NCOR1: variants seen among roughly 807,000 people sequenced by gnomAD.
The protein encoded by NCOR1 is protein phosphatase 1, regulatory subunit 109.
A neutral mutation model predicts 288.1 loss-of-function variants in NCOR1; 63 were observed. The observed-to-expected ratio is 0.22, with a 90% CI of 0.18 to 0.27. The LOEUF is 0.27. NCOR1 is among the 10% of genes least tolerant of loss of function. NCOR1 has a pLI of 1.00. For missense variants in NCOR1, 2,397 were observed against 3,019.2 expected, an observed-to-expected ratio of 0.79 and a Z score of 4.83; for synonymous variants, 1,007 against 1,065.9, an observed-to-expected ratio of 0.94 and a Z score of 1.08.
intron 21 of NCOR1, among the ~76,000 whole-genome samples, chr17:16,092,695 A>T (rs918420675): frequency 0.33 from 7,463 of 22,518 alleles, 1,167 homozygotes; most frequent in Middle Eastern, 0.38. Flanking sequence ...ATATATATAT[A>T]TTTTTTTTTT....
Position 16,137,399 on chromosome 17 carries a change from C to T in NCOR1, c.1421G>A (p.Cys474Tyr). Residue 474 changes from cysteine to tyrosine, a missense_variant, in exon 14 of 46, where the codon TGT becomes TAT. Cys to Tyr is a radical substitution (Grantham distance 194). Coordinates refer to ENST00000268712, the MANE Select transcript of NCOR1 (RefSeq NM_006311.4). The stretch of plus-strand genomic sequence containing the variant: ...CTTGGTTAAATAGTAATACAAAACA[C>T]AATCAGGAACACTCTGTAAGAAATA... ...SYLERKSVPD[C>Y]VLYYYLTKKN... is the part of the protein sequence containing the mutation. 6.5e-7 allele frequency: 1 copy of T among 1,534,480 alleles called. No individual in the cohort carries two copies. The highest frequency in any genetic ancestry group is 8.9e-7 in the Non-Finnish European group (1 of 1,122,052).
rs570687862 is a variant in NCOR1 at position 16,213,397 on chromosome 17, G to A, written c.-71+1965C>T. ...AGTCCCAGCTACTCGGGAGGCTGAG[G>A]CAGAAGAATTGCTTGAACCCGGAGG... is the stretch of plus-strand genomic sequence containing the variant. On this transcript the variant is annotated intron_variant, in intron 1 of 45. Transcript: ENST00000268712. 4.2e-5 allele frequency among the ~76,000 whole-genome samples: 6 copies of A among 144,082 alleles called. No homozygotes were observed. The South Asian group carries it at 8.7e-4, about 21-fold the overall frequency. 94.5% of individuals were successfully genotyped at this position (144,082 alleles called of 152,430 possible).
chr17:16,083,349 CTT>C (rs1321204889), intron 23 of NCOR1, among the ~76,000 whole-genome samples: 2 of 122,986 alleles, frequency 1.6e-5, no homozygotes. Flanking sequence ...CAAAGCAAGA[CTT>C]TGTCCAAAAA....
rs1328440596 is a variant in NCOR1, at chr17:16,127,444, T to C, written c.1510-1238A>G. On this transcript the variant is annotated intron_variant, in intron 14 of 45. Coordinates refer to ENST00000268712, the MANE Select transcript of NCOR1 (RefSeq NM_006311.4). ...ACATGTGTATATGTGTATGTATATA[T>C]GTGTATATGTATATATACGTGTATG... Among the ~76,000 whole-genome samples, 12 of 146,728 alleles carry C rather than the reference T, an allele frequency of 8.2e-5. 3 individuals are homozygous for C. Among genetic ancestry groups the C allele is most frequent in the African/African-American group, 2.0e-4 (8 of 39,810 alleles).
In NCOR1 at chr17:16,065,615, C is replaced by T; in HGVS notation, c.4821G>A (p.Glu1607=). Residue 1607 remains glutamate (E), a synonymous_variant, in exon 33 of 46, where the codon GAG becomes GAA. Transcript: ENST00000268712. ...CATTTAAGATTGTCTGTCTTGTGTT[C>T]TCCATTGCGTAAAGCTGATACTGAC... The part of the protein sequence containing the change: ...YPSQYQLYAM[E]NTRQTILNDY... 1 of 1,614,176 alleles carries T rather than the reference C, an allele frequency of 6.2e-7. No individual in the cohort carries two copies. The highest frequency in any genetic ancestry group is 8.5e-7 in the Non-Finnish European group (1 of 1,180,040).
At chr17:16,094,818 C>T (rs550008976) in intron 21 of NCOR1, among the ~76,000 whole-genome samples, 4 of 152,124 alleles carry the variant, frequency 2.6e-5, no homozygotes, top group Non-Finnish European at 4.4e-5. Flanking sequence ...CCACCAGCCT[C>T]GGCATTCTGA....
At chr17:16,091,464 C>A in intron 22 of NCOR1, 2 of 740,382 alleles carry the variant, frequency 2.7e-6, no homozygotes, top group Non-Finnish European at 1.7e-6. Context: ...ATCCACTACA[C>A]AAAGTTGTGT....
intron 21 of NCOR1, 128 bp from the exon 22 acceptor site, chr17:16,092,186 G>T: frequency 8.5e-7 from 1 of 1,180,102 alleles, no homozygotes; most frequent in African/African-American, 1.5e-5. Flanking sequence ...TTTAATCAAA[G>T]TTATCTTCAA....
At chr17:16,088,980 T>C (rs1366887665) in intron 22 of NCOR1, among the ~76,000 whole-genome samples, 2 of 152,074 alleles carry the variant, frequency 1.3e-5, no homozygotes, top group Admixed American at 6.6e-5. Context: ...AACAGATTTA[T>C]GAAATAACCA....
At chr17:16,103,663 T>C (rs1568034260) in intron 19 of NCOR1, among the ~76,000 whole-genome samples, 1 of 152,218 alleles carries the variant, frequency 6.6e-6, no homozygotes, top group Non-Finnish European at 1.5e-5. Flanking sequence ...TCACCTTTAC[T>C]GAAAGGCTCT....
In NCOR1 at chr17:16,180,071, AG is replaced by A. The variant is rs2085090239; in HGVS notation, c.242+6482del. Reference sequence around the variant, plus strand: ...AAGTGGGACATATCCCTGGCATGCAAGGCTGGTTTAACATACACAAATCAAT... The same window carrying A: ...AAGTGGGACATATCCCTGGCATGCAAGCTGGTTTAACATACACAAATCAAT... On this transcript the variant is annotated intron_variant, in intron 3 of 45. Coordinates refer to ENST00000268712, the MANE Select transcript of NCOR1 (RefSeq NM_006311.4). 2.0e-5 allele frequency among the ~76,000 whole-genome samples: 3 copies of A among 152,296 alleles called. No homozygotes were observed. In the South Asian group the frequency reaches 6.2e-4, roughly 32 times the overall value.
chr17:16,207,003 T>C (rs909966471), intron 1 of NCOR1, among the ~76,000 whole-genome samples: 4 of 152,162 alleles, frequency 2.6e-5, no homozygotes, highest in Non-Finnish European at 2.9e-5. Flanking sequence ...TTTGTGTGAA[T>C]ATAAAGTAAC....
At chr17:16,156,501 GGGA>G (rs1258402298) in intron 6 of NCOR1, among the ~76,000 whole-genome samples, 4 of 150,032 alleles carry the variant, frequency 2.7e-5, no homozygotes, top group Admixed American at 1.3e-4. Flanking sequence ...GGAAAGGAGA[GGGA>G]GGAGGAGGGG....
At chr17:16,043,367 T>C (rs1371935392) in intron 42 of NCOR1, among the ~76,000 whole-genome samples, 2 of 152,082 alleles carry the variant, frequency 1.3e-5, no homozygotes, top group Non-Finnish European at 2.9e-5. Context: ...TTCTTTAATA[T>C]AAATTCTCCT....
At chr17:16,058,396 G>T (rs1053351331) in intron 38 of NCOR1, 75 bp downstream of exon 38, 6 of 1,563,376 alleles carry the variant, frequency 3.8e-6, no homozygotes, top group African/African-American at 1.4e-5. Flanking sequence ...TCTTACTATG[G>T]TCTAGACAGA....
intron 2 of NCOR1, among the ~76,000 whole-genome samples, chr17:16,193,239 GT>G (rs536605463): frequency 1.3e-5 from 2 of 151,556 alleles, no homozygotes; most frequent in African/African-American, 4.8e-5. Flanking sequence ...AGTTAATTTT[GT>G]TTTTTTTAAG....
At chr17:16,195,679 G>A (rs886342157) in intron 1 of NCOR1, among the ~76,000 whole-genome samples, 7 of 152,056 alleles carry the variant, frequency 4.6e-5, no homozygotes, top group African/African-American at 1.4e-4. Flanking sequence ...TACTTTCACC[G>A]CCTTCCCAGC....
intron 15 of NCOR1, 96 bp downstream of exon 15, chr17:16,125,986 A>AC: frequency 1.5e-6 from 1 of 653,780 alleles, no homozygotes; most frequent in Non-Finnish European, 2.4e-6. Context: ...ACTATGCAAT[A>AC]TATCCATGTG....
At chr17:16,175,085 G>A (rs2083863566) in intron 3 of NCOR1, among the ~76,000 whole-genome samples, 1 of 151,918 alleles carries the variant, frequency 6.6e-6, no homozygotes, top group South Asian at 2.1e-4. Context: ...AATCTTTGTA[G>A]GGCAAGATGC....
Sources: allele counts gnomAD v4.1 joint callset (sites outside exome capture counted in the v4.1 genomes callset), GRCh38; gene constraint gnomAD v4.1.1; transcripts MANE v1.5; gene names NCBI Gene and HGNC (gene_info 2026-07-23, HGNC 2026-07-21).